TMPRSS6: variants seen among roughly 807,000 people sequenced by gnomAD.
The protein encoded by TMPRSS6 is transmembrane protease serine 6.
A neutral mutation model predicts 101.5 loss-of-function variants in TMPRSS6; 67 were observed. That is an observed-to-expected ratio of 0.66 (90% CI 0.54 to 0.81). The LOEUF is 0.81. TMPRSS6 is among the 30% of genes least tolerant of loss of function. The probability of loss-of-function intolerance (pLI) is 0.00; values close to 1 mark genes in which losing one functional copy is unlikely to be tolerated. For synonymous variants in TMPRSS6, 453 were observed against 464.9 expected, an observed-to-expected ratio of 0.97 and a Z score of 0.33; for missense variants, 1,034 against 1,088.7, an observed-to-expected ratio of 0.95 and a Z score of 0.71.
At chr22:37,083,505 C>A (rs1214788585) in intron 10 of TMPRSS6, among the ~76,000 whole-genome samples, 1 of 152,230 alleles carries the variant, frequency 6.6e-6, no homozygotes, top group Non-Finnish European at 1.5e-5. Context: ...GTTCTCTTTT[C>A]TTCCCAGACA....
rs996271079 is a variant in TMPRSS6, at chr22:37,066,491, C to G, written c.2251-253G>C. 4.6e-5 allele frequency among the ~76,000 whole-genome samples: 7 copies of G among 152,384 alleles called. No homozygotes were observed. In the East Asian group the frequency reaches 1.3e-3, roughly 29 times the overall value. On this transcript the variant is annotated intron_variant, in intron 17 of 17. Coordinates refer to ENST00000676104, the MANE Select transcript of TMPRSS6 (RefSeq NM_001374504.1). ...ACGCCCCCACTCTGCCTCCGCCTCC[C>G]TTCTGTGGCTGACACCCCTTTCTTC...
At chr22:37,108,089 C>T (rs540181433) in intron 1 of TMPRSS6, among the ~76,000 whole-genome samples, 17 of 152,282 alleles carry the variant, frequency 1.1e-4, no homozygotes, top group Non-Finnish European at 2.2e-4. Flanking sequence ...CTCTTTTCCC[C>T]GTCGCACCCC....
At position 37,089,736 on chromosome 22, in the gene TMPRSS6, C is replaced by G. The variant is rs1929082554; in HGVS notation, c.678G>C (p.Leu226=). ...TGGAGGCCAGGTGGTCAGGCCCCTT[C>G]AGCCGGAGGACCTGGCCCTGGCCCA... The part of the protein sequence containing the change: ...SYVGQGQVLR[L]KGPDHLASSC... The change falls in exon 7 of 18, where the codon CTG becomes CTC. Residue 226 remains leucine, a synonymous_variant. Coordinates refer to ENST00000676104, the MANE Select transcript of TMPRSS6 (RefSeq NM_001374504.1). The G allele has an allele frequency of 6.2e-7, 1 of 1,612,632 alleles. No homozygotes were observed.
chr22:37,089,544 G>GGGCCCC, intron 7 of TMPRSS6, 34 bp downstream of exon 7: 12 of 1,348,790 alleles, frequency 8.9e-6, no homozygotes, highest in African/African-American at 1.5e-5. Flanking sequence ...CCCTTTTCCA[G>GGGCCCC]CCCTCCCTCC....
intron 6 of TMPRSS6, among the ~76,000 whole-genome samples, chr22:37,090,181 C>T (rs940898584): frequency 3.3e-5 from 5 of 152,186 alleles, no homozygotes; most frequent in African/African-American, 7.2e-5. Context: ...AGCAAAGAGG[C>T]TGGGGCGAGC....
At chr22:37,082,858 C>T in intron 10 of TMPRSS6, 1 of 413,450 alleles carries the variant, frequency 2.4e-6, no homozygotes, top group African/African-American at 2.1e-5. Flanking sequence ...AGTATTTCTT[C>T]TCCTTTCTTT....
Position 37,069,060 on chromosome 22 carries a change from C to A in TMPRSS6, c.2113+13G>T. On this transcript the variant is annotated intron_variant, in intron 16 of 17. Coordinates refer to ENST00000676104, the MANE Select transcript of TMPRSS6 (RefSeq NM_001374504.1). The surrounding 1 kb of genome is among the most constrained non-coding windows in gnomAD (Gnocchi z 4.8). ...TCTCCCTCCGCCTCCCGCCGCAAGTCCCCGCTGCTCACCGCCCTCGCGCAA... is the reference window on the plus strand; with the variant it reads ...TCTCCCTCCGCCTCCCGCCGCAAGTACCCGCTGCTCACCGCCCTCGCGCAA... The A allele has an allele frequency of 6.5e-7, 1 of 1,537,460 alleles. No individual in the cohort carries two copies.
intron 12 of TMPRSS6, 80 bp from the exon 13 acceptor site, chr22:37,073,725 G>C: frequency 1.2e-6 from 1 of 851,350 alleles, no homozygotes; most frequent in East Asian, 2.4e-5. Context: ...TGTAGAAGGT[G>C]TGCTGTATTG....
chr22:37,086,525 T>G (rs1023314834), intron 7 of TMPRSS6, 106 bp from the exon 8 acceptor site: 6 of 1,230,902 alleles, frequency 4.9e-6, no homozygotes, highest in African/African-American at 4.5e-5. Flanking sequence ...TCTGGACATC[T>G]GGGTTCTGGG....
chr22:37,084,453 T>C, intron 9 of TMPRSS6, 49 bp from the exon 10 acceptor site: 2 of 1,401,290 alleles, frequency 1.4e-6, no homozygotes, highest in South Asian at 1.2e-5. Flanking sequence ...TGTGGCCAGG[T>C]TGGTGAACCC....
chr22:37,085,793 G>C (rs910841400), intron 8 of TMPRSS6, among the ~76,000 whole-genome samples: 1 of 152,112 alleles, frequency 6.6e-6, no homozygotes, highest in Non-Finnish European at 1.5e-5. Flanking sequence ...AGCTCCCTGC[G>C]CCCTCTTGGC....
chr22:37,085,799 T>C, intron 8 of TMPRSS6, among the ~76,000 whole-genome samples: 1 of 152,130 alleles, frequency 6.6e-6, no homozygotes, highest in Non-Finnish European at 1.5e-5. Context: ...CTGCGCCCTC[T>C]TGGCTGTAAG....
In TMPRSS6 at chr22:37,070,940, C is replaced by T. The variant is rs369420967; in HGVS notation, c.1648G>A (p.Asp550Asn). The change falls in exon 14 of 18, where the codon GAC becomes AAC. Residue 550 changes from aspartate to asparagine, a missense_variant. Transcript: ENST00000676104. ...PQCDGRPDCR[D>N]GSDEEHCDCG... ...CCACAGTGCTCCTCATCCGAGCCGT[C>T]CCTGCAGTCGGGCCGCCCATCACAC... The T allele has an allele frequency of 3.7e-6, 6 of 1,613,188 alleles. No homozygotes were observed. The highest frequency in any genetic ancestry group is 5.1e-6 in the Non-Finnish European group (6 of 1,180,000).
intron 12 of TMPRSS6, 115 bp downstream of exon 12, chr22:37,074,495 G>A (rs1927430508): frequency 5.0e-6 from 5 of 1,001,262 alleles, no homozygotes; most frequent in South Asian, 1.5e-5. Flanking sequence ...CTTCCTGGGT[G>A]CTCATAATGG....
rs1207566242 is a variant in TMPRSS6 at position 37,095,956 on chromosome 22, A to G, written c.539T>C (p.Val180Ala). The G allele has an allele frequency of 1.2e-6, 2 of 1,613,918 alleles. No individual in the cohort carries two copies. Among genetic ancestry groups the G allele is most frequent in the Non-Finnish European group, 1.7e-6 (2 of 1,180,018 alleles). Residue 180 changes from valine to alanine, a missense_variant, in exon 5 of 18, where the codon GTC becomes GCC. Val to Ala is a moderately conservative substitution (Grantham distance 64). Coordinates refer to ENST00000676104, the MANE Select transcript of TMPRSS6 (RefSeq NM_001374504.1). ...LLSTVNSSAA[V>A]PYRAEYEVDP... is the part of the protein sequence containing the mutation. ...CACTTCGTACTCGGCCCTGTAGGGG[A>G]CGGCAGCCGAGCTGTTGACTGTGGA... is the stretch of plus-strand genomic sequence containing the variant.
Position 37,084,752 on chromosome 22 carries a change from TG to T in TMPRSS6, c.1060del (p.Gln354LysfsTer26). The stretch of plus-strand genomic sequence containing the variant: ...CGTGAGGTGCCAGGAGCAGTGGGTT[TG>T]GGGCGAGTAGTAGCTGGGGAAGTAC... ...TPYFPSYYSP[Q>X]THCSWHLTVP... On this transcript the variant is annotated frameshift_variant, in exon 9 of 18. Transcript: ENST00000676104. LOFTEE classifies it high-confidence loss of function. 1 of 1,566,158 alleles carries T rather than the reference TG, an allele frequency of 6.4e-7. No homozygotes were observed. The highest frequency in any genetic ancestry group is 8.7e-7 in the Non-Finnish European group (1 of 1,155,068).
intron 16 of TMPRSS6, chr22:37,068,806 A>G: frequency 1.4e-6 from 1 of 710,902 alleles, no homozygotes. Context: ...GCACGTGGGC[A>G]GTGGCGTCCC....
intron 5 of TMPRSS6, 33 bp downstream of exon 5, chr22:37,095,873 G>A: frequency 6.2e-7 from 1 of 1,612,828 alleles, no homozygotes; most frequent in Middle Eastern, 1.7e-4. Flanking sequence ...AACCTCATGA[G>A]GCCAACCCCA....
chr22:37,071,177 C>T, intron 13 of TMPRSS6, 145 bp from the exon 14 acceptor site: 1 of 741,576 alleles, frequency 1.3e-6, no homozygotes, highest in Admixed American at 2.1e-5. Context: ...TTTAGGGTCT[C>T]CTAAAAGCAG....
Sources: allele counts gnomAD v4.1 joint callset (sites outside exome capture counted in the v4.1 genomes callset), GRCh38; gene constraint gnomAD v4.1.1; non-coding constraint Gnocchi (gnomAD v3.1); transcripts MANE v1.5; gene names NCBI Gene and HGNC (gene_info 2026-07-23, HGNC 2026-07-21).